The following STAG1 variants were observed in gnomAD, a reference collection of about 807,000 sequenced individuals.
STAG1 encodes the protein STAG1 cohesin complex component.
STAG1 carries 26 observed loss-of-function variants against 170.9 expected under a neutral mutation model. That is an observed-to-expected ratio of 0.15 (90% CI 0.11 to 0.21). The LOEUF (loss-of-function observed/expected upper bound fraction) is 0.21, where lower values mean the gene tolerates loss of function less well. STAG1 is among the 10% of genes least tolerant of loss of function. The pLI, the probability that STAG1 is intolerant of heterozygous loss-of-function variation, is 1.00. For synonymous variants in STAG1, 514 were observed against 497.7 expected, an observed-to-expected ratio of 1.03 and a Z score of -0.44; for missense variants, 964 against 1,509.5, an observed-to-expected ratio of 0.64 and a Z score of 5.99.
At chr3:136,443,452 CTACTAA>C (rs1439913315) in intron 14 of STAG1, 48 bp from the exon 15 acceptor site, 1 of 1,233,100 alleles carries the variant, frequency 8.1e-7, no homozygotes, top group Non-Finnish European at 1.2e-6. Flanking sequence ...AATAAAGAAA[CTACTAA>C]TACTAATTTG....
Position 136,398,757 on chromosome 3 carries a change from G to C in STAG1, c.2269C>G (p.Pro757Ala). The C allele has an allele frequency of 6.2e-7, 1 of 1,600,188 alleles. No individual in the cohort carries two copies. Among genetic ancestry groups the C allele is most frequent in the Non-Finnish European group, 8.5e-7 (1 of 1,172,034 alleles). Residue 757 changes from proline (P) to alanine (A), a missense_variant, in exon 22 of 34, where the codon CCT (proline) becomes GCT (alanine). Coordinates refer to ENST00000383202, the MANE Select transcript of STAG1 (RefSeq NM_005862.3). ...CAGAAACTCTTACTTACTTTGGAAG[G>C]AGAGCCATCAGTAATTTTCACCAAC... ...WQLVKITDGSPSKEDLLVLRK... is the reference protein window; with the variant it reads ...WQLVKITDGSASKEDLLVLRK...
At position 136,604,431 on chromosome 3, in the gene STAG1, T is replaced by C; in HGVS notation, c.175A>G (p.Arg59Gly). 6.2e-7 allele frequency: 1 copy of C among 1,612,796 alleles called. No individual in the cohort carries two copies. Among genetic ancestry groups the C allele is most frequent in the South Asian group, 1.1e-5 (1 of 90,762 alleles). Residue 59 changes from arginine (R) to glycine (G), a missense_variant, in exon 4 of 34, where the codon AGA becomes GGA. By Grantham distance (125) the Arg-to-Gly change is moderately radical (BLOSUM62 -2). This residue lies in a region of STAG1 where 108 missense variants were observed against 120.2 expected (regional missense o/e 0.90). Transcript: ENST00000383202. ...KPRKSPGEKSRIEAGIRGAGR... is the reference protein window; with the variant it reads ...KPRKSPGEKSGIEAGIRGAGR... ...GCTCCTCTAATTCCAGCTTCAATTC[T>C]GCTCTTCTCACCTGGAGATTTTCGA...
At chr3:136,560,933 G>A (rs1473672880) in intron 5 of STAG1, among the ~76,000 whole-genome samples, 1 of 151,998 alleles carries the variant, frequency 6.6e-6, no homozygotes, top group Non-Finnish European at 1.5e-5. Context: ...GGTGGGGACG[G>A]GGCGAATTGT....
chr3:136,598,114 C>A (rs1180376523), intron 4 of STAG1, among the ~76,000 whole-genome samples: 1 of 152,088 alleles, frequency 6.6e-6, no homozygotes, highest in African/African-American at 2.4e-5. Context: ...AATATTAAAC[C>A]ATCTCGGTAT....
intron 1 of STAG1, among the ~76,000 whole-genome samples, chr3:136,681,611 T>C (rs925394777): frequency 1.3e-5 from 2 of 152,186 alleles, no homozygotes; most frequent in African/African-American, 2.4e-5. Flanking sequence ...TTAAAAAAGA[T>C]AACTTCATTT....
At chr3:136,611,416 T>C (rs879423475) in intron 3 of STAG1, among the ~76,000 whole-genome samples, 8 of 152,152 alleles carry the variant, frequency 5.3e-5, no homozygotes, top group Admixed American at 3.9e-4. Flanking sequence ...CCCAAAGTGC[T>C]GGGATTACAG....
chr3:136,523,427 T>C (rs1212948413), intron 6 of STAG1, among the ~76,000 whole-genome samples: 1 of 152,230 alleles, frequency 6.6e-6, no homozygotes, highest in Non-Finnish European at 1.5e-5. Context: ...TTTTCTTTCT[T>C]GTAAATTTGT....
At chr3:136,556,571 T>G (rs892919778) in intron 5 of STAG1, among the ~76,000 whole-genome samples, 2 of 100,640 alleles carry the variant, frequency 2.0e-5, no homozygotes, top group African/African-American at 3.0e-5. Flanking sequence ...TTGACATTCG[T>G]TTTTTTTTTG....
At chr3:136,367,159 G>A (rs1225325813) in intron 24 of STAG1, 77 bp from the exon 25 acceptor site, 3 of 1,190,534 alleles carry the variant, frequency 2.5e-6, no homozygotes. Flanking sequence ...CTGTATAATT[G>A]AAAATTAGCT....
chr3:136,602,382 A>C (rs1264638318), intron 4 of STAG1, among the ~76,000 whole-genome samples: 3 of 112,596 alleles, frequency 2.7e-5, no homozygotes, highest in Non-Finnish European at 6.2e-5. Flanking sequence ...CATCTCAAAC[A>C]AAAAAAAAAA....
At chr3:136,708,986 T>A (rs1222540893) in intron 1 of STAG1, among the ~76,000 whole-genome samples, 1 of 123,566 alleles carries the variant, frequency 8.1e-6, no homozygotes, top group Non-Finnish European at 1.9e-5. Context: ...TTTTTTTTTT[T>A]TTTTTTTAAA....
chr3:136,621,390 A>G (rs1939842052), intron 3 of STAG1, among the ~76,000 whole-genome samples: 1 of 152,192 alleles, frequency 6.6e-6, no homozygotes, highest in Non-Finnish European at 1.5e-5. Context: ...CTTATTTCCA[A>G]TTCTGCAGTT....
chr3:136,460,324 G>A (rs112964105), intron 13 of STAG1, among the ~76,000 whole-genome samples: 54 of 152,166 alleles, frequency 3.5e-4, no homozygotes, highest in African/African-American at 1.1e-3. Flanking sequence ...GAAAACTGCC[G>A]GGCACGGTGG....
chr3:136,690,178 G>C (rs1016383975), intron 1 of STAG1, among the ~76,000 whole-genome samples: 1 of 151,518 alleles, frequency 6.6e-6, no homozygotes, highest in Non-Finnish European at 1.5e-5. Context: ...ATGACATCCA[G>C]TAAGTCTCGT....
chr3:136,402,439 AACT>A (rs2087355338), intron 21 of STAG1, among the ~76,000 whole-genome samples: 1 of 151,356 alleles, frequency 6.6e-6, no homozygotes, highest in Non-Finnish European at 1.5e-5. Context: ...GCTGGTCTCG[AACT>A]CCTGAGCTCA....
In STAG1 at chr3:136,511,707, A is replaced by AT. The variant is rs529019383; in HGVS notation, c.677-8929dup. ...ATGTAACTAATGGGTACTAGGCTTAATACCTGGGTGACAAAATAATCTGTA... is the reference window on the plus strand; with the variant it reads ...ATGTAACTAATGGGTACTAGGCTTAATTACCTGGGTGACAAAATAATCTGTA... On this transcript the variant is annotated intron_variant, in intron 7 of 33. Coordinates refer to ENST00000383202, the MANE Select transcript of STAG1 (RefSeq NM_005862.3). Among the ~76,000 whole-genome samples, 22 of 152,308 alleles carry AT rather than the reference A, an allele frequency of 1.4e-4. 1 individual carries two copies. The East Asian group carries it at 3.9e-3, about 27-fold the overall frequency.
At chr3:136,642,735 T>C (rs1940850673) in intron 1 of STAG1, among the ~76,000 whole-genome samples, 1 of 152,200 alleles carries the variant, frequency 6.6e-6, no homozygotes, top group Non-Finnish European at 1.5e-5. Flanking sequence ...AAAAGCTGGA[T>C]GGCTTTGAAC....
At chr3:136,686,672 C>G (rs1440918463) in intron 1 of STAG1, among the ~76,000 whole-genome samples, 1 of 152,060 alleles carries the variant, frequency 6.6e-6, no homozygotes, top group Non-Finnish European at 1.5e-5. Flanking sequence ...TTGAAAGTAA[C>G]CAACTGAACA....
chr3:136,679,903 G>A (rs112331591), intron 1 of STAG1, among the ~76,000 whole-genome samples: 176 of 151,416 alleles, frequency 1.2e-3, no homozygotes, highest in African/African-American at 2.4e-3. Flanking sequence ...CTCTGTCTCA[G>A]AAATAAATAA....
Sources: gnomAD v4.1 joint callset for allele counts (sites outside exome capture counted in the v4.1 genomes callset) on GRCh38, gnomAD v4.1.1 for gene constraint, gnomAD v4.1.1 regional missense constraint, MANE v1.5 for transcripts, NCBI Gene and HGNC (gene_info 2026-07-23, HGNC 2026-07-21) for gene names.